IQSEC1: variants seen among roughly 807,000 people sequenced by gnomAD.
IQSEC1 encodes the protein IQ motif and SEC7 domain-containing protein 1.
In IQSEC1, 31 loss-of-function variants were observed where a neutral mutation model predicts 91.0. The ratio of observed to expected loss-of-function variants is 0.34; its 90% CI spans 0.26 to 0.46. The LOEUF is 0.46. Ranked by LOEUF, IQSEC1 falls within the 20% of genes least tolerant of loss-of-function variation. The probability of loss-of-function intolerance (pLI) is 1.00; values close to 1 mark genes in which losing one functional copy is unlikely to be tolerated. For synonymous variants in IQSEC1, 699 were observed against 662.6 expected (o/e 1.05, Z -0.84); for missense variants, 1,388 against 1,575.6 (o/e 0.88, Z 2.02).
chr3:12,903,882 A>G (rs1282807520), intron 12 of IQSEC1, among the ~76,000 whole-genome samples: 2 of 152,184 alleles, frequency 1.3e-5, no homozygotes, highest in Non-Finnish European at 2.9e-5. Context: ...CTGTGTCCAT[A>G]TCAGAGAGAG....
chr3:13,118,898 C>T (rs189335781), intron 2 of IQSEC1, among the ~76,000 whole-genome samples: 9 of 152,158 alleles, frequency 5.9e-5, no homozygotes, highest in Admixed American at 5.2e-4. Flanking sequence ...CATGGTGAAA[C>T]CCCGTCACTA....
chr3:13,253,581 T>C (rs1695236565), intron 1 of IQSEC1, among the ~76,000 whole-genome samples: 1 of 152,232 alleles, frequency 6.6e-6, no homozygotes, highest in Non-Finnish European at 1.5e-5. Context: ...AAAAACGCCA[T>C]GCATCAAAAT....
rs137872203 is a variant in IQSEC1 at position 13,230,662 on chromosome 3, A to G, written c.272+52049T>C. Among the ~76,000 whole-genome samples the G allele has an allele frequency of 6.1e-3, 927 of 152,226 alleles. 10 individuals are homozygous for G. Among genetic ancestry groups the G allele is most frequent in the African/African-American group, 0.021 (865 of 41,504 alleles). On this transcript the variant is annotated intron_variant, in intron 1 of 15. Coordinates refer to the IQSEC1 transcript ENST00000648114. Reference sequence around the variant, plus strand: ...GTTATAGTTCTTCAAAGTCATGCTCAGGATCTTGATCCCACTTGCTAAAAA... The same window carrying G: ...GTTATAGTTCTTCAAAGTCATGCTCGGGATCTTGATCCCACTTGCTAAAAA...
At chr3:13,131,037 A>AAGGAAAGGAAGG (rs144089637) in intron 2 of IQSEC1, among the ~76,000 whole-genome samples, 67 of 143,898 alleles carry the variant, frequency 4.7e-4, no homozygotes, top group African/African-American at 1.7e-3. Context: ...GGAAGGAAGG[A>AAGGAAAGGAAGG]AAGGAAGGAA....
intron 1 of IQSEC1, among the ~76,000 whole-genome samples, chr3:13,058,876 C>T (rs1704968924): frequency 6.6e-6 from 1 of 152,186 alleles, no homozygotes; most frequent in Admixed American, 6.5e-5. Context: ...GGGCGGCAGG[C>T]CTTGGGTGCC....
At chr3:12,961,080 G>C (rs1362009323) in intron 1 of IQSEC1, among the ~76,000 whole-genome samples, 1 of 152,260 alleles carries the variant, frequency 6.6e-6, no homozygotes, top group African/African-American at 2.4e-5. Context: ...GAAGAGGACA[G>C]AGCAGCAGAA....
chr3:13,179,623 C>T (rs1050659577), intron 1 of IQSEC1, among the ~76,000 whole-genome samples: 5 of 152,282 alleles, frequency 3.3e-5, no homozygotes, highest in East Asian at 1.9e-4. Flanking sequence ...TCGCTCTCGG[C>T]GCCTCCTCTG....
At chr3:12,901,571 T>G in intron 13 of IQSEC1, 49 bp from the exon 14 acceptor site, 1 of 1,433,588 alleles carries the variant, frequency 7.0e-7, no homozygotes, top group Non-Finnish European at 9.4e-7. Flanking sequence ...TTCAAGCACT[T>G]AGGTCAGAAT....
chr3:13,020,863 CA>C (rs1297490081), intron 1 of IQSEC1, among the ~76,000 whole-genome samples: 1 of 151,846 alleles, frequency 6.6e-6, no homozygotes, highest in Non-Finnish European at 1.5e-5. Context: ...TATTTTGTTG[CA>C]GGTATTTTCT....
At chr3:12,981,158 C>G (rs1459295667) in intron 1 of IQSEC1, among the ~76,000 whole-genome samples, 2 of 152,206 alleles carry the variant, frequency 1.3e-5, no homozygotes, top group Non-Finnish European at 2.9e-5. Flanking sequence ...TTAGGGGGAG[C>G]AGGAGCCAGC....
intron 1 of IQSEC1, among the ~76,000 whole-genome samples, chr3:13,229,923 G>A (rs1694816217): frequency 6.6e-6 from 1 of 152,188 alleles, no homozygotes; most frequent in Non-Finnish European, 1.5e-5. Context: ...CTTATTTCAT[G>A]GGGCTGCTTT....
intron 1 of IQSEC1, among the ~76,000 whole-genome samples, chr3:12,981,068 C>T (rs962512686): frequency 5.9e-5 from 9 of 152,144 alleles, no homozygotes; most frequent in African/African-American, 1.2e-4. Context: ...GATGGAAGCT[C>T]GCCTCATCTG....
At chr3:13,254,841 C>T (rs771708079) in intron 1 of IQSEC1, among the ~76,000 whole-genome samples, 2 of 152,184 alleles carry the variant, frequency 1.3e-5, no homozygotes, top group Non-Finnish European at 2.9e-5. Context: ...GAAACCGAGG[C>T]CCAGGGCTGC....
intron 13 of IQSEC1, 96 bp from the exon 14 acceptor site, chr3:12,901,618 A>C: frequency 9.5e-7 from 1 of 1,051,658 alleles, no homozygotes; most frequent in Non-Finnish European, 1.4e-6. Flanking sequence ...TCACCCACTG[A>C]CTGCTAAGCT....
intron 3 of IQSEC1, among the ~76,000 whole-genome samples, chr3:12,926,388 G>T (rs1697138409): frequency 1.3e-5 from 2 of 152,162 alleles, no homozygotes; most frequent in South Asian, 2.1e-4. Flanking sequence ...CTGAAGGATG[G>T]GTGTCCTCTC....
rs138805149 is a variant in IQSEC1, at chr3:13,271,767, C to G, written c.272+10944G>C. ...CTCTGATTGCACCATTGCACTCCAA[C>G]CTGGATGACAGAGCAAGACCCTTTC... On this transcript the variant is annotated intron_variant, in intron 1 of 15. Coordinates refer to the IQSEC1 transcript ENST00000648114. 7.5e-4 allele frequency among the ~76,000 whole-genome samples: 114 copies of G among 152,266 alleles called. 1 individual carries two copies. The highest frequency in any genetic ancestry group is 3.4e-3 in the Middle Eastern group (1 of 294).
At chr3:13,276,309 C>T (rs984747158) in intron 1 of IQSEC1, among the ~76,000 whole-genome samples, 1 of 151,836 alleles carries the variant, frequency 6.6e-6, no homozygotes, top group Non-Finnish European at 1.5e-5. Context: ...AGGATGGTCT[C>T]AATCTCCTGA....
intron 1 of IQSEC1, among the ~76,000 whole-genome samples, chr3:13,271,374 C>T (rs1695588452): frequency 1.3e-5 from 2 of 151,766 alleles, no homozygotes; most frequent in African/African-American, 4.8e-5. Flanking sequence ...AAGACTCCGT[C>T]TCAAAAAAAA....
At chr3:13,167,254 A>T (rs532140808) in intron 1 of IQSEC1, among the ~76,000 whole-genome samples, 1 of 152,254 alleles carries the variant, frequency 6.6e-6, no homozygotes, top group Admixed American at 6.5e-5. Context: ...GGAGATAAAG[A>T]TTCAGCTAGG....
Sources: allele counts gnomAD v4.1 joint callset (sites outside exome capture counted in the v4.1 genomes callset), GRCh38; gene constraint gnomAD v4.1.1; transcripts MANE v1.5; gene names NCBI Gene and HGNC (gene_info 2026-07-23, HGNC 2026-07-21).